The following PYGL variants were observed in gnomAD, a reference collection of about 807,000 sequenced individuals.
The protein encoded by PYGL is glycogen phosphorylase L, also known as glycogen phosphorylase, liver form.
A neutral mutation model predicts 100.1 loss-of-function variants in PYGL; 90 were observed. The ratio of observed to expected loss-of-function variants is 0.90; its 90% CI spans 0.76 to 1.07. PYGL has a LOEUF of 1.07. Ranked by LOEUF, PYGL falls within the 50% of genes least tolerant of loss-of-function variation. PYGL has a pLI of 0.00. For synonymous variants in PYGL, 373 were observed against 393.0 expected, an observed-to-expected ratio of 0.95 and a Z score of 0.60; for missense variants, 1,016 against 1,057.6, an observed-to-expected ratio of 0.96 and a Z score of 0.55.
chr14:50,915,616 C>G, intron 10 of PYGL, 117 bp from the exon 11 acceptor site: 1 of 1,453,838 alleles, frequency 6.9e-7, no homozygotes, highest in Non-Finnish European at 9.5e-7. Context: ...TTCACTACCA[C>G]AGGGAGGGGT....
intron 2 of PYGL, 35 bp from the exon 3 acceptor site, chr14:50,935,220 T>C: frequency 6.4e-7 from 1 of 1,562,202 alleles, no homozygotes; most frequent in Non-Finnish European, 8.8e-7. Context: ...TGGAAGCAGA[T>C]AAAAATTCAG....
At chr14:50,935,006 C>T in intron 3 of PYGL, 101 bp downstream of exon 3, 6 of 1,150,252 alleles carry the variant, frequency 5.2e-6, no homozygotes, top group Non-Finnish European at 7.8e-6. Flanking sequence ...CCTTGCGCTT[C>T]TTCTAGGAAG....
intron 4 of PYGL, among the ~76,000 whole-genome samples, chr14:50,924,916 C>A (rs1409624896): frequency 6.6e-6 from 1 of 152,166 alleles, no homozygotes; most frequent in African/African-American, 2.4e-5. Flanking sequence ...AATAAGAACA[C>A]CACCACCACC....
intron 10 of PYGL, 70 bp from the exon 11 acceptor site, chr14:50,915,569 T>C: frequency 1.9e-6 from 3 of 1,582,426 alleles, no homozygotes; most frequent in Non-Finnish European, 2.6e-6. Context: ...ACGCTGTTCA[T>C]GTCTTAAGCA....
At chr14:50,936,260 C>T (rs2050652248) in intron 2 of PYGL, among the ~76,000 whole-genome samples, 1 of 152,124 alleles carries the variant, frequency 6.6e-6, no homozygotes, top group African/African-American at 2.4e-5. Flanking sequence ...ATAATTTGCA[C>T]ATTTGAAGAC....
At chr14:50,923,645 G>A in intron 5 of PYGL, 1 of 217,648 alleles carries the variant, frequency 4.6e-6, no homozygotes. Context: ...TAAAACCAAA[G>A]AGGTAAGCAT....
At chr14:50,924,208 T>G (rs1200149652) in intron 4 of PYGL, 108 bp from the exon 5 acceptor site, 5 of 1,321,684 alleles carry the variant, frequency 3.8e-6, no homozygotes, top group Non-Finnish European at 5.2e-6. Flanking sequence ...AAACAACTTA[T>G]GAATACTGAG....
chr14:50,905,518 T>C lies in PYGL; in HGVS notation c.2418A>G (p.Ile806Met). The change falls in exon 20 of 20, where the codon ATA becomes ATG. Residue 806 changes from isoleucine (I) to methionine (M), a missense_variant. By Grantham distance (10) the Ile-to-Met change is conservative. Transcript: ENST00000216392. ...KAWNTMVLKN[I>M]AASGKFSSDR... ...CACTGGAGAATTTCCCCGAGGCAGC[T>C]ATGTTTTTGAGTACCATTGTGTTCC... 6.2e-7 allele frequency: 1 copy of C among 1,614,100 alleles called. No homozygotes were observed. The highest frequency in any genetic ancestry group is 8.5e-7 in the Non-Finnish European group (1 of 1,179,946).
chr14:50,925,342 T>C (rs1259332983), intron 4 of PYGL, among the ~76,000 whole-genome samples: 1 of 152,230 alleles, frequency 6.6e-6, no homozygotes, highest in African/African-American at 2.4e-5. Context: ...TGAAATGTCA[T>C]TATGTGGTGC....
chr14:50,920,703 CTG>C (rs2050492540), intron 6 of PYGL, 80 bp from the exon 7 acceptor site: 1 of 1,396,742 alleles, frequency 7.2e-7, no homozygotes, highest in Admixed American at 1.7e-5. Context: ...TGGCTCTGTG[CTG>C]TGTGTCATGT....
At chr14:50,916,385 A>G (rs1284915937) in intron 9 of PYGL, among the ~76,000 whole-genome samples, 2 of 152,216 alleles carry the variant, frequency 1.3e-5, no homozygotes, top group East Asian at 1.9e-4. Flanking sequence ...TTTCAACACA[A>G]AAATGGTAAA....
rs138461745 is a variant in PYGL at position 50,913,067 on chromosome 14, C to T, written c.1582G>A (p.Asp528Asn). The T allele has an allele frequency of 4.4e-5, 71 of 1,614,014 alleles. No individual in the cohort carries two copies. The African/African-American group carries it at 8.4e-4, about 19-fold the overall frequency. ...GCGAGTTCCCGGAGGAAGACATCAT[C>T]ACCCAGGAAGCTGTGGAGCTTCGTC... ...QLTKLHSFLGDDVFLRELAKV... is the reference protein window; with the variant it reads ...QLTKLHSFLGNDVFLRELAKV... Residue 528 changes from aspartate to asparagine, a missense_variant, in exon 13 of 20, where the codon GAT becomes AAT. Asp to Asn is a conservative substitution (Grantham distance 23, BLOSUM62 1). Coordinates refer to ENST00000216392, the MANE Select transcript of PYGL (RefSeq NM_002863.5).
chr14:50,921,372 T>C (rs1004934564), intron 5 of PYGL: 17 of 320,716 alleles, frequency 5.3e-5, no homozygotes, highest in African/African-American at 2.8e-4. Flanking sequence ...TGGAATGATA[T>C]GGTATTTGTA....
chr14:50,924,132 A>T (rs778097301), intron 4 of PYGL, 32 bp from the exon 5 acceptor site: 1 of 1,608,134 alleles, frequency 6.2e-7, no homozygotes, highest in East Asian at 2.2e-5. Flanking sequence ...CTTAGAATTT[A>T]TTTGTCAGGA....
intron 3 of PYGL, among the ~76,000 whole-genome samples, chr14:50,934,479 G>T (rs907562363): frequency 1.3e-5 from 2 of 152,144 alleles, no homozygotes; most frequent in South Asian, 2.1e-4. Context: ...TTACTGGATA[G>T]ATCTCCAAAC....
In PYGL at chr14:50,913,016, C is replaced by A. The variant is rs1443058719; in HGVS notation, c.1620+13G>T. On this transcript the variant is annotated intron_variant, in intron 13 of 19. Coordinates refer to ENST00000216392, the MANE Select transcript of PYGL (RefSeq NM_002863.5). Reference sequence around the variant, plus strand: ...TGAGTGCCCAGGAGGGGACCCACACCTGGAAGGCTCACCTGCTTCACCTTG... The same window carrying A: ...TGAGTGCCCAGGAGGGGACCCACACATGGAAGGCTCACCTGCTTCACCTTG... 3.7e-6 allele frequency: 6 copies of A among 1,613,520 alleles called. No individual in the cohort carries two copies. The South Asian group carries it at 4.4e-5, about 12-fold the overall frequency.
chr14:50,920,666 T>A, intron 6 of PYGL, 43 bp from the exon 7 acceptor site: 1 of 1,549,112 alleles, frequency 6.5e-7, no homozygotes, highest in South Asian at 1.1e-5. Context: ...AAACCAGCCA[T>A]TGTTGTTGGA....
chr14:50,922,311 T>A (rs925176692), intron 5 of PYGL, among the ~76,000 whole-genome samples: 3 of 152,236 alleles, frequency 2.0e-5, no homozygotes, highest in Admixed American at 6.5e-5. Context: ...TCTGCTGAAT[T>A]GTGAATGAAT....
At chr14:50,929,567 A>G (rs1214891732) in intron 4 of PYGL, among the ~76,000 whole-genome samples, 13 of 152,172 alleles carry the variant, frequency 8.5e-5, no homozygotes, top group Admixed American at 8.5e-4. Context: ...AAAAAAATTG[A>G]GATTTGTTTT....
Sources: gnomAD v4.1 joint callset for allele counts (sites outside exome capture counted in the v4.1 genomes callset) on GRCh38, gnomAD v4.1.1 for gene constraint, MANE v1.5 for transcripts, NCBI Gene and HGNC (gene_info 2026-07-23, HGNC 2026-07-21) for gene names.